Variants in KDSR observed in about 807,000 individuals in gnomAD.
The protein encoded by KDSR is 3-ketodihydrosphingosine reductase, also known as 3-dehydrosphinganine reductase.
KDSR carries 23 observed loss-of-function variants against 41.3 expected under a neutral mutation model. That is an observed-to-expected ratio of 0.56 (90% CI 0.40 to 0.79). The LOEUF is 0.79. Ranked by LOEUF, KDSR falls within the 30% of genes least tolerant of loss-of-function variation. The probability of loss-of-function intolerance (pLI) is 0.00; values close to 1 mark genes in which losing one functional copy is unlikely to be tolerated. For synonymous variants in KDSR, 138 were observed against 151.7 expected, an observed-to-expected ratio of 0.91 and a Z score of 0.66; for missense variants, 351 against 416.8, an observed-to-expected ratio of 0.84 and a Z score of 1.37.
chr18:63,353,208 T>C (rs1378043474), intron 5 of KDSR, among the ~76,000 whole-genome samples: 3 of 151,388 alleles, frequency 2.0e-5, no homozygotes, highest in African/African-American at 7.3e-5. Flanking sequence ...TCTAAAAGAA[T>C]ATCTGAAAAA....
rs142957805 is a variant in KDSR at position 63,364,789 on chromosome 18, T to C, written c.109-1921A>G. On this transcript the variant is annotated intron_variant, in intron 1 of 9. Transcript: ENST00000645214. ...CCTATGCAAATTACATAATATTGCATAGTATTGTCTCCTGTTTTTAAAAAA... is the reference window on the plus strand; with the variant it reads ...CCTATGCAAATTACATAATATTGCACAGTATTGTCTCCTGTTTTTAAAAAA... 1.7e-3 allele frequency among the ~76,000 whole-genome samples: 257 copies of C among 152,356 alleles called. 2 individuals are homozygous for C. Among genetic ancestry groups the C allele is most frequent in the African/African-American group, 5.8e-3 (241 of 41,572 alleles).
chr18:63,359,985 C>CTATG (rs1014149246), intron 2 of KDSR, among the ~76,000 whole-genome samples, 193 bp from the exon 3 acceptor site: 5 of 152,100 alleles, frequency 3.3e-5, no homozygotes, highest in Non-Finnish European at 5.9e-5. Context: ...GTATGTTAAG[C>CTATG]TATGAATAAG....
chr18:63,337,087 TGTG>T lies in KDSR; in HGVS notation c.777+1710_777+1712del, dbSNP rs1568275884. ...ATATGTGACTTTATATATATATATA[TGTG>T]ACTTTATATATATATATATGTGAAT... On this transcript the variant is annotated intron_variant, in intron 8 of 9. Transcript: ENST00000645214. 3.3e-4 allele frequency among the ~76,000 whole-genome samples: 13 copies of T among 39,962 alleles called. 1 individual carries two copies. Among genetic ancestry groups the T allele is most frequent in the African/African-American group, 6.8e-4 (13 of 19,100 alleles). The allele number at this position is 39,962 out of a possible 152,430, so 26.2% of individuals were successfully genotyped here. A position where few individuals can be genotyped will look rare whatever the true frequency, so the allele number is the denominator to read the frequency against.
intron 9 of KDSR, among the ~76,000 whole-genome samples, chr18:63,334,588 A>C (rs912565939): frequency 1.1e-4 from 17 of 152,136 alleles, no homozygotes; most frequent in African/African-American, 4.1e-4. Flanking sequence ...ATCTCAAGTG[A>C]TCTACCCACC....
In KDSR at chr18:63,355,278, C is replaced by T. The variant is rs1349147081; in HGVS notation, c.343G>A (p.Val115Met). The T allele has an allele frequency of 6.2e-7, 1 of 1,614,156 alleles. No homozygotes were observed. Among genetic ancestry groups the T allele is most frequent in the Admixed American group, 1.7e-5 (1 of 60,026 alleles). ...IKQAQEKLGPVDMLVNCAGMA... is the reference protein window; with the variant it reads ...IKQAQEKLGPMDMLVNCAGMA... ...CCTGCACAATTTACCAGCATGTCCA[C>T]TGGACCCAGTTTCTCCTGTGCCTAG... The change falls in exon 5 of 10, where the codon GTG becomes ATG. Residue 115 changes from valine (V) to methionine (M), a missense_variant. Transcript: ENST00000645214.
Position 63,330,361 on chromosome 18 carries a change from T to G in KDSR, c.*1421A>C, listed in dbSNP as rs1913944093. ...GTTACAAGATCAAGGTGAAGGCAGC[T>G]CTCCTCAAGTCAGAGGAGTGTGAAC... On this transcript the variant is annotated 3_prime_UTR_variant, in exon 10 of 10. Transcript: ENST00000645214. 1.8e-5 allele frequency: 4 copies of G among 226,658 alleles called. No individual in the cohort carries two copies. In the East Asian group the frequency reaches 2.5e-4, roughly 14 times the overall value. The allele number at this position is 226,658 out of a possible 1,614,324, so 14.0% of individuals were successfully genotyped here.
At chr18:63,341,075 G>C (rs1191897208) in intron 7 of KDSR, among the ~76,000 whole-genome samples, 5 of 152,024 alleles carry the variant, frequency 3.3e-5, no homozygotes, top group Non-Finnish European at 7.3e-5. Context: ...GTAAACAGCT[G>C]AGAAGCTAGA....
chr18:63,358,359 G>A (rs776040342), intron 3 of KDSR, among the ~76,000 whole-genome samples: 1 of 151,860 alleles, frequency 6.6e-6, no homozygotes, highest in Non-Finnish European at 1.5e-5. Flanking sequence ...CACGGGGTGA[G>A]GAAAACATTC....
At chr18:63,337,113 A>AATATAT (rs139383635) in intron 8 of KDSR, among the ~76,000 whole-genome samples, 3,077 of 127,674 alleles carry the variant, frequency 0.024, 237 homozygotes, top group African/African-American at 0.088. Flanking sequence ...TATATATGTG[A>AATATAT]ATATATATAT....
At chr18:63,363,957 A>G (rs557468693) in intron 1 of KDSR, among the ~76,000 whole-genome samples, 6 of 152,166 alleles carry the variant, frequency 3.9e-5, no homozygotes, top group South Asian at 2.1e-4. Context: ...ACCTATCTCT[A>G]TGGGACTCAT....
Position 63,355,295 on chromosome 18 carries a change from T to G in KDSR, c.326A>C (p.Gln109Pro). The G allele has an allele frequency of 6.2e-7, 1 of 1,613,770 alleles. No homozygotes were observed. Among genetic ancestry groups the G allele is most frequent in the Non-Finnish European group, 8.5e-7 (1 of 1,179,804 alleles). Residue 109 changes from glutamine (Q) to proline (P), a missense_variant, in exon 5 of 10, where the codon CAG becomes CCG. Transcript: ENST00000645214. ...CATGTCCACTGGACCCAGTTTCTCC[T>G]GTGCCTAGAAAAATGTAGCAGAGCA... ...NQVENVIKQA[Q>P]EKLGPVDMLV...
At position 63,348,112 on chromosome 18, in the gene KDSR, G is replaced by A. The variant is rs572118436; in HGVS notation, c.609+2776C>T. Among the ~76,000 whole-genome samples, 3 of 151,914 alleles carry A rather than the reference G, an allele frequency of 2.0e-5. No homozygotes were observed. The East Asian group carries it at 5.8e-4, about 29-fold the overall frequency. On this transcript the variant is annotated intron_variant, in intron 6 of 9. Coordinates refer to ENST00000645214, the MANE Select transcript of KDSR (RefSeq NM_002035.4). Reference sequence around the variant, plus strand: ...GACCAGCCCAGGCAACATAGCGAGCGAGACCCCATGTCTACAAAAAATAAA... The same window carrying A: ...GACCAGCCCAGGCAACATAGCGAGCAAGACCCCATGTCTACAAAAAATAAA...
At chr18:63,360,398 A>T (rs1050131997) in intron 2 of KDSR, among the ~76,000 whole-genome samples, 1 of 152,184 alleles carries the variant, frequency 6.6e-6, no homozygotes, top group Non-Finnish European at 1.5e-5. Context: ...AGATTATCTT[A>T]ATTTGCTGTA....
At chr18:63,357,415 T>C (rs543940871) in intron 3 of KDSR, among the ~76,000 whole-genome samples, 1 of 151,426 alleles carries the variant, frequency 6.6e-6, no homozygotes, top group Admixed American at 6.6e-5. Flanking sequence ...TATCCACCAA[T>C]TGCTGAACTG....
chr18:63,362,865 T>G lies in KDSR; in HGVS notation c.112A>C (p.Thr38Pro). The change falls in exon 2 of 10, where the codon ACA becomes CCA. Residue 38 changes from threonine (T) to proline (P), a missense_variant. By Grantham distance (38) the Thr-to-Pro change is conservative. Coordinates refer to ENST00000645214, the MANE Select transcript of KDSR (RefSeq NM_002035.4). ...LALPGAHVVV[T>P]GGSSGIGKCI... The stretch of plus-strand genomic sequence containing the variant: ...TTCCCGATGCCACTGGAACCTCCTG[T>G]AACCTAAAACAAAATCATAAAATAT... 5 of 1,609,492 alleles carry G rather than the reference T, an allele frequency of 3.1e-6. No homozygotes were observed. The highest frequency in any genetic ancestry group is 4.3e-6 in the Non-Finnish European group (5 of 1,176,260).
chr18:63,351,964 TGTA>T (rs1309310066), intron 5 of KDSR, among the ~76,000 whole-genome samples: 2 of 152,058 alleles, frequency 1.3e-5, no homozygotes, highest in Non-Finnish European at 2.9e-5. Context: ...TTGTATTTTT[TGTA>T]GTAACAGGGT....
chr18:63,330,036 T>C lies in KDSR; in HGVS notation c.*1746A>G, dbSNP rs1172012396. Reference sequence around the variant, plus strand: ...TCCAAGCAATTTATATATTAAATAATAATTTCTTCTGTATCTATCAGTGTT... The same window carrying C: ...TCCAAGCAATTTATATATTAAATAACAATTTCTTCTGTATCTATCAGTGTT... On this transcript the variant is annotated 3_prime_UTR_variant, in exon 10 of 10. Transcript: ENST00000645214. The C allele has an allele frequency of 5.4e-6, 1 of 184,308 alleles. No individual in the cohort carries two copies. The highest frequency in any genetic ancestry group is 2.3e-5 in the African/African-American group (1 of 42,554). The allele number at this position is 184,308 out of a possible 1,614,324, so 11.4% of individuals were successfully genotyped here.
chr18:63,337,723 T>G (rs993663447), intron 8 of KDSR, among the ~76,000 whole-genome samples: 1 of 152,122 alleles, frequency 6.6e-6, no homozygotes, highest in Non-Finnish European at 1.5e-5. Flanking sequence ...AATCAGGAGT[T>G]CGAGACCAGC....
intron 5 of KDSR, among the ~76,000 whole-genome samples, chr18:63,354,468 G>A (rs1332034802): frequency 6.6e-6 from 1 of 152,190 alleles, no homozygotes; most frequent in Non-Finnish European, 1.5e-5. Context: ...AGGAGTTTGA[G>A]ACCAGCCGGG....
Sources: gnomAD v4.1 joint callset for allele counts (sites outside exome capture counted in the v4.1 genomes callset) on GRCh38, gnomAD v4.1.1 for gene constraint, MANE v1.5 for transcripts, NCBI Gene and HGNC (gene_info 2026-07-23, HGNC 2026-07-21) for gene names.